The following CALD1 variants were observed in gnomAD, a reference collection of about 807,000 sequenced individuals.
CALD1 encodes the protein caldesmon 1, also known as caldesmon.
In CALD1, 33 loss-of-function variants were observed where a neutral mutation model predicts 99.9. That is an observed-to-expected ratio of 0.33 (90% confidence interval 0.25 to 0.44). CALD1 has a LOEUF of 0.44. Ranked by LOEUF, CALD1 falls within the 20% of genes least tolerant of loss-of-function variation. The pLI is 1.00. For synonymous variants in CALD1, 310 were observed against 325.0 expected, an observed-to-expected ratio of 0.95 and a Z score of 0.50; for missense variants, 861 against 962.1, an observed-to-expected ratio of 0.89 and a Z score of 1.39.
At chr7:134,726,495 C>A in the CALD1 span, among the ~76,000 whole-genome samples, 1 of 130,046 alleles carries the variant, frequency 7.7e-6, no homozygotes. Context: ...TATTATATAG[C>A]TTTAGATATA....
chr7:134,934,027 G>GA lies in CALD1; in HGVS notation c.1262dup (p.Lys422GlufsTer6). ...GAAAATAGAAGGGAAATGGGTAAAT[G>GA]AAAAGAAAGCACAAGAAGATAAACT... On this transcript the variant is annotated frameshift_variant, in exon 5 of 15. Coordinates refer to ENST00000361675, the MANE Select transcript of CALD1 (RefSeq NM_033138.4). LOFTEE classifies it high-confidence loss of function. 1 of 1,613,156 alleles carries GA rather than the reference G, an allele frequency of 6.2e-7. No homozygotes were observed. The highest frequency in any genetic ancestry group is 1.1e-5 in the South Asian group (1 of 90,964).
chr7:134,958,245 C>T lies in CALD1; in HGVS notation c.2016C>T (p.Val672=). 1.2e-6 allele frequency: 2 copies of T among 1,613,942 alleles called. No individual in the cohort carries two copies. The highest frequency in any genetic ancestry group is 1.7e-6 in the Non-Finnish European group (2 of 1,180,014). The change falls in exon 11 of 15, where the codon GTC becomes GTT. Residue 672 remains valine, a synonymous_variant. Transcript: ENST00000361675. ...GVKSTHQAAI[V]SKIDSRLEQY... is the part of the protein sequence containing the mutation. ...AATCGACCCATCAAGCAGCAATAGT[C>T]TCCAAGATTGACAGCAGACTGGAGC...
chr7:134,837,984 G>T (rs958998480), intron 1 of CALD1, among the ~76,000 whole-genome samples: 2 of 152,168 alleles, frequency 1.3e-5, no homozygotes, highest in African/African-American at 4.8e-5. Context: ...CCAACTGAAT[G>T]ATTTAAAGCT....
chr7:134,928,883 G>C lies in CALD1; in HGVS notation c.201G>C (p.Glu67Asp), dbSNP rs769203304. ...TGGGACAGGTGACCGACCAGGTGGA[G>C]GTGAATGCCCAGAACAGGTACTGTC... Reference protein sequence around the residue: ...ESLGQVTDQVEVNAQNSVPDE... With the variant: ...ESLGQVTDQVDVNAQNSVPDE... The change falls in exon 4 of 15, where the codon GAG becomes GAC. Residue 67 changes from glutamate to aspartate, a missense_variant. This residue lies in a region of CALD1 where 123 missense variants were observed against 169.8 expected (regional missense o/e 0.72). Coordinates refer to ENST00000361675, the MANE Select transcript of CALD1 (RefSeq NM_033138.4). 3 of 1,613,512 alleles carry C rather than the reference G, an allele frequency of 1.9e-6. No homozygotes were observed. The South Asian group carries it at 3.3e-5, about 18-fold the overall frequency.
intron 2 of CALD1, among the ~76,000 whole-genome samples, chr7:134,863,848 A>T (rs1245594191): frequency 6.6e-6 from 1 of 152,246 alleles, no homozygotes; most frequent in Non-Finnish European, 1.5e-5. Flanking sequence ...AAGAAAAAAA[A>T]GTCACAAAGA....
intron 2 of CALD1, among the ~76,000 whole-genome samples, chr7:134,865,799 G>A (rs778829708): frequency 2.0e-5 from 3 of 152,144 alleles, no homozygotes; most frequent in South Asian, 2.1e-4. Flanking sequence ...TCTACCAGAG[G>A]TATAGGCTGA....
upstream of CALD1, among the ~76,000 whole-genome samples, chr7:134,776,203 A>G (rs371634835): frequency 2.6e-5 from 4 of 152,052 alleles, no homozygotes; most frequent in African/African-American, 7.2e-5. Flanking sequence ...TTGTCTTTTC[A>G]TTGATTATAA....
chr7:134,917,564 G>T (rs1804307039), intron 3 of CALD1, among the ~76,000 whole-genome samples: 1 of 152,088 alleles, frequency 6.6e-6, no homozygotes, highest in Non-Finnish European at 1.5e-5. Context: ...TGGCCAGGCT[G>T]GTCTCGAACT....
chr7:134,792,218 G>A (rs1273006943), intron 1 of CALD1, among the ~76,000 whole-genome samples: 1 of 151,562 alleles, frequency 6.6e-6, no homozygotes, highest in East Asian at 1.9e-4. Context: ...TGTTTCACTT[G>A]TAGATGGTTA....
At chr7:134,742,075 G>C (rs1032257219), upstream of CALD1, among the ~76,000 whole-genome samples, 3 of 150,148 alleles carry the variant, frequency 2.0e-5, no homozygotes, top group African/African-American at 5.0e-5. Flanking sequence ...TGTATGTCTT[G>C]GCCCCACATT....
the CALD1 span, among the ~76,000 whole-genome samples, chr7:134,736,652 C>T: frequency 5.3e-5 from 8 of 152,244 alleles, no homozygotes; most frequent in Middle Eastern, 3.4e-3. Flanking sequence ...CCTTAAATAC[C>T]CAGAGAACAA....
At chr7:134,834,560 T>A (rs1412546492) in intron 1 of CALD1, among the ~76,000 whole-genome samples, 1 of 152,256 alleles carries the variant, frequency 6.6e-6, no homozygotes, top group Non-Finnish European at 1.5e-5. Flanking sequence ...TCTCTAGGCC[T>A]TTCTAGGTCT....
rs1799747595 is a variant in CALD1 at position 134,843,886 on chromosome 7, A to G, written c.-127A>G. 1 of 152,226 alleles carries G rather than the reference A, an allele frequency of 6.6e-6. No individual in the cohort carries two copies. The highest frequency in any genetic ancestry group is 2.4e-5 in the African/African-American group (1 of 41,456). 9.4% of individuals were successfully genotyped at this position (152,226 alleles called of 1,614,324 possible). A position where few individuals can be genotyped will look rare whatever the true frequency, so the allele number is the denominator to read the frequency against. On this transcript the variant is annotated splice_region_variant and 5_prime_UTR_variant, in exon 2 of 15. Coordinates refer to ENST00000361675, the MANE Select transcript of CALD1 (RefSeq NM_033138.4). ...TTTCCATCCTCCTTTTATTCCAGGTATCATTGGAACATTTCAAGATCATCA... is the reference window on the plus strand; with the variant it reads ...TTTCCATCCTCCTTTTATTCCAGGTGTCATTGGAACATTTCAAGATCATCA...
At chr7:134,832,843 G>A (rs1586059037) in intron 1 of CALD1, among the ~76,000 whole-genome samples, 1 of 152,316 alleles carries the variant, frequency 6.6e-6, no homozygotes, top group Non-Finnish European at 1.5e-5. Flanking sequence ...CTCTGCTCAA[G>A]GTTCTGGAGT....
chr7:134,815,735 G>A (rs182541796), intron 1 of CALD1, among the ~76,000 whole-genome samples: 106 of 152,138 alleles, frequency 7.0e-4, no homozygotes, highest in African/African-American at 2.3e-3. Flanking sequence ...ATGAATTAGT[G>A]GAACTGAGAA....
chr7:134,750,069 C>A (rs1796671455), intron 1 of CALD1, among the ~76,000 whole-genome samples: 2 of 151,920 alleles, frequency 1.3e-5, no homozygotes, highest in Admixed American at 1.3e-4. Flanking sequence ...CACAGACCAA[C>A]TATCTTGGGG....
At chr7:134,916,847 T>G (rs1363254597) in intron 3 of CALD1, among the ~76,000 whole-genome samples, 1 of 152,244 alleles carries the variant, frequency 6.6e-6, no homozygotes, top group Non-Finnish European at 1.5e-5. Flanking sequence ...GATTTAGGGA[T>G]GAGTCGAACT....
chr7:134,889,807 GAT>G (rs1802057771), intron 3 of CALD1, among the ~76,000 whole-genome samples: 1 of 152,136 alleles, frequency 6.6e-6, no homozygotes, highest in South Asian at 2.1e-4. Context: ...TGTAATCAGA[GAT>G]ATTTAAATGC....
At chr7:134,940,504 C>T (rs911444726) in intron 6 of CALD1, among the ~76,000 whole-genome samples, 3 of 152,086 alleles carry the variant, frequency 2.0e-5, no homozygotes, top group Admixed American at 6.5e-5. Flanking sequence ...TCTCACAGAC[C>T]CCACATATCT....
Sources: gnomAD v4.1 joint callset for allele counts (sites outside exome capture counted in the v4.1 genomes callset) on GRCh38, gnomAD v4.1.1 for gene constraint, gnomAD v4.1.1 regional missense constraint, MANE v1.5 for transcripts, NCBI Gene and HGNC (gene_info 2026-07-23, HGNC 2026-07-21) for gene names.